TEX11: variants seen among roughly 807,000 people sequenced by gnomAD.
TEX11 encodes testis-expressed protein 11.
In TEX11, 7 loss-of-function variants were observed where a neutral mutation model predicts 84.4. The observed-to-expected ratio is 0.08, with a 90% CI of 0.05 to 0.16. TEX11 has a LOEUF of 0.16. Ranked by LOEUF, TEX11 falls within the 10% of genes least tolerant of loss-of-function variation. The pLI is 1.00. For missense variants in TEX11, 551 were observed against 660.5 expected (o/e 0.83, Z 1.82); for synonymous variants, 264 against 222.8 (o/e 1.18, Z -1.64).
At chrX:70,788,004 GA>G (rs1055855754) in intron 9 of TEX11, among the ~76,000 whole-genome samples, 27 of 103,483 alleles carry the variant, frequency 2.6e-4, no homozygotes, top group African/African-American at 7.7e-4. Context: ...ACTATAAACT[GA>G]AAAAAAAAAC....
chrX:70,549,705 G>C (rs73538761), intron 28 of TEX11, among the ~76,000 whole-genome samples: 9,106 of 111,673 alleles, frequency 0.082, 798 homozygotes, highest in African/African-American at 0.26. Context: ...GAAAGAGTGG[G>C]AAGGACTTTG....
intron 25 of TEX11, among the ~76,000 whole-genome samples, chrX:70,587,537 G>A (rs978363068): frequency 7.1e-5 from 8 of 112,703 alleles, no homozygotes; most frequent in African/African-American, 2.6e-4. Flanking sequence ...CAAGAATTGA[G>A]GTTTGGGAAC....
At position 70,597,742 on chromosome X, in the gene TEX11, A is replaced by G. The variant is rs777928975; in HGVS notation, c.2068-5919T>C. On this transcript the variant is annotated intron_variant, in intron 24 of 29. Transcript: ENST00000374333. ...TCTTAGATATGATAACAAAATAAAT[A>G]AAATGGATATCATCAAAATTAAAAA... 5.3e-5 allele frequency among the ~76,000 whole-genome samples: 6 copies of G among 112,279 alleles called. No homozygotes were observed. The East Asian group carries it at 1.1e-3, about 21-fold the overall frequency.
intron 25 of TEX11, among the ~76,000 whole-genome samples, chrX:70,580,438 A>G (rs1383437281): frequency 8.9e-6 from 1 of 112,197 alleles, no homozygotes; most frequent in East Asian, 2.8e-4. Context: ...AATAACTAAA[A>G]GAGTATAATT....
intron 25 of TEX11, among the ~76,000 whole-genome samples, chrX:70,590,440 T>C (rs777139239): frequency 8.9e-6 from 1 of 111,828 alleles, no homozygotes; most frequent in Non-Finnish European, 1.9e-5. Flanking sequence ...AAATAGGGTT[T>C]ATTCCAGGAA....
At chrX:70,873,964 G>A (rs1437708712) in intron 3 of TEX11, among the ~76,000 whole-genome samples, 1 of 111,361 alleles carries the variant, frequency 9.0e-6, no homozygotes, top group Non-Finnish European at 1.9e-5. Flanking sequence ...GCTGATGGGA[G>A]GTACTTGGGT....
intron 17 of TEX11, among the ~76,000 whole-genome samples, chrX:70,643,630 C>T (rs2089695384): frequency 9.1e-6 from 1 of 110,002 alleles, no homozygotes; most frequent in African/African-American, 3.3e-5. Context: ...ATCTACAACT[C>T]TCTGATCTTT....
chrX:70,867,595 G>A (rs1223232632), intron 4 of TEX11, among the ~76,000 whole-genome samples: 1 of 111,315 alleles, frequency 9.0e-6, no homozygotes, highest in Non-Finnish European at 1.9e-5. Flanking sequence ...AACAAAACTG[G>A]AGGCATCACA....
At chrX:70,892,815 C>T (rs778747162) in intron 2 of TEX11, among the ~76,000 whole-genome samples, 3 of 109,038 alleles carry the variant, frequency 2.8e-5, no homozygotes, top group South Asian at 4.0e-4. Context: ...ATCAATCTCA[C>T]GTGCAAAGAC....
At chrX:70,638,731 G>A (rs1001769804) in intron 17 of TEX11, among the ~76,000 whole-genome samples, 11 of 104,630 alleles carry the variant, frequency 1.1e-4, no homozygotes, top group Non-Finnish European at 1.4e-4. Context: ...AACCCGGGAG[G>A]TGGAGGTTGC....
chrX:70,829,026 G>A (rs957226578), intron 8 of TEX11, among the ~76,000 whole-genome samples: 1 of 111,809 alleles, frequency 8.9e-6, no homozygotes, highest in African/African-American at 3.3e-5. Context: ...ACATGAGGGA[G>A]AAATAAAGAC....
At position 70,811,311 on chromosome X, in the gene TEX11, T is replaced by C. The variant is rs926484722; in HGVS notation, c.607-4521A>G. Among the ~76,000 whole-genome samples, 8 of 110,709 alleles carry C rather than the reference T, an allele frequency of 7.2e-5. No individual in the cohort carries two copies. The East Asian group carries it at 2.3e-3, about 31-fold the overall frequency. ...TGTCTTTGTGACAGTTTGCTGAGAA[T>C]GATGGTTTCCAGCTTCACCCATGTC... is the stretch of plus-strand genomic sequence containing the variant. On this transcript the variant is annotated intron_variant, in intron 8 of 29. Coordinates refer to ENST00000374333, the MANE Select transcript of TEX11 (RefSeq NM_031276.3).
chrX:70,603,652 C>A (rs1285766188), intron 24 of TEX11, among the ~76,000 whole-genome samples: 1 of 111,644 alleles, frequency 9.0e-6, no homozygotes, highest in Non-Finnish European at 1.9e-5. Flanking sequence ...GCAAGGACTT[C>A]ATGTCTAAAA....
chrX:70,554,304 C>T (rs2088257591), intron 26 of TEX11, among the ~76,000 whole-genome samples: 1 of 112,009 alleles, frequency 8.9e-6, no homozygotes, highest in Admixed American at 9.5e-5. Context: ...GAAAAACTTT[C>T]TAAAGTTTGA....
At chrX:70,742,352 T>TAAATATTATATATTTATATATAAATAA (rs2090738755) in intron 10 of TEX11, among the ~76,000 whole-genome samples, 1 of 105,241 alleles carries the variant, frequency 9.5e-6, no homozygotes, top group Non-Finnish European at 1.9e-5. Context: ...TATATAAATA[T>TAAATATTATATATTTATATATAAATAA]AAATATTATA....
At chrX:70,837,412 A>G (rs1163653872) in intron 7 of TEX11, among the ~76,000 whole-genome samples, 1 of 110,779 alleles carries the variant, frequency 9.0e-6, no homozygotes, top group Non-Finnish European at 1.9e-5. Context: ...ATACAAAAAA[A>G]TTAGCCAGGC....
At chrX:70,782,445 C>G (rs900205653) in intron 9 of TEX11, among the ~76,000 whole-genome samples, 1 of 109,790 alleles carries the variant, frequency 9.1e-6, no homozygotes, top group Non-Finnish European at 1.9e-5. Flanking sequence ...ATCATAGTGA[C>G]GGGATTAAAT....
chrX:70,638,487 C>CA (rs2089601826), intron 17 of TEX11, among the ~76,000 whole-genome samples: 1 of 111,336 alleles, frequency 9.0e-6, no homozygotes, highest in Non-Finnish European at 1.9e-5. Flanking sequence ...TAGAAACTAA[C>CA]AGTTAGTTTT....
At chrX:70,738,433 A>AC (rs2147742522) in intron 11 of TEX11, among the ~76,000 whole-genome samples, 1 of 112,336 alleles carries the variant, frequency 8.9e-6, no homozygotes, top group Non-Finnish European at 1.9e-5. Flanking sequence ...GACAATTATT[A>AC]AAAAGTCAGG....
Sources: allele counts gnomAD v4.1 joint callset (sites outside exome capture counted in the v4.1 genomes callset), GRCh38; gene constraint gnomAD v4.1.1; transcripts MANE v1.5; gene names NCBI Gene and HGNC (gene_info 2026-07-23, HGNC 2026-07-21).